ABCC9: variants seen among roughly 807,000 people sequenced by gnomAD.
The protein encoded by ABCC9 is ATP-binding cassette sub-family C member 9.
Under a neutral mutation model 188.3 loss-of-function variants are expected in ABCC9, and 95 were observed. The ratio of observed to expected loss-of-function variants is 0.50; its 90% confidence interval spans 0.43 to 0.60. The LOEUF (loss-of-function observed/expected upper bound fraction) is 0.60, where lower values mean the gene tolerates loss of function less well. Ranked by LOEUF, ABCC9 falls within the 20% of genes least tolerant of loss-of-function variation. The probability of loss-of-function intolerance (pLI) is 0.00; values close to 1 mark genes in which losing one functional copy is unlikely to be tolerated. For synonymous variants in ABCC9, 659 were observed against 652.7 expected, an observed-to-expected ratio of 1.01 and a Z score of -0.15; for missense variants, 1,102 against 1,876.3, an observed-to-expected ratio of 0.59 and a Z score of 7.62.
chr12:21,817,433 G>T, intron 32 of ABCC9, 126 bp from the exon 33 acceptor site: 1 of 863,212 alleles, frequency 1.2e-6, no homozygotes, highest in Non-Finnish European at 1.8e-6. Context: ...ACTCATAAGT[G>T]CTACAGAATA....
chr12:21,825,984 AT>A (rs1185957926), intron 31 of ABCC9, among the ~76,000 whole-genome samples: 1 of 152,132 alleles, frequency 6.6e-6, no homozygotes, highest in African/African-American at 2.4e-5. Flanking sequence ...AAGCAATGAT[AT>A]CATGTTTTCT....
intron 2 of ABCC9, among the ~76,000 whole-genome samples, chr12:21,938,681 C>A (rs1378987929): frequency 6.6e-6 from 1 of 152,146 alleles, no homozygotes; most frequent in Non-Finnish European, 1.5e-5. Flanking sequence ...TTATAATATT[C>A]CAGTTGGCCA....
chr12:21,912,789 C>T (rs1295612123), intron 8 of ABCC9, 83 bp downstream of exon 8: 23 of 1,409,526 alleles, frequency 1.6e-5, no homozygotes, highest in Non-Finnish European at 2.3e-5. Context: ...TTGAACAACT[C>T]ATAAAACTGC....
At chr12:21,823,834 C>T (rs1399317773) in intron 31 of ABCC9, among the ~76,000 whole-genome samples, 1 of 152,252 alleles carries the variant, frequency 6.6e-6, no homozygotes, top group East Asian at 1.9e-4. Context: ...CTTCACTTGG[C>T]ACCCAGAGGA....
intron 39 of ABCC9, 58 bp from the exon 40 acceptor site, chr12:21,801,239 A>G: frequency 6.2e-7 from 1 of 1,602,352 alleles, no homozygotes; most frequent in Non-Finnish European, 8.5e-7. Context: ...CGCCAAAACA[A>G]TGGAATATGT....
At chr12:21,821,410 T>G (rs933854399) in intron 31 of ABCC9, among the ~76,000 whole-genome samples, 1 of 151,918 alleles carries the variant, frequency 6.6e-6, no homozygotes, top group African/African-American at 2.4e-5. Context: ...CAGTTCCAAA[T>G]TATTATATAT....
chr12:21,813,252 A>T (rs1942382674), intron 35 of ABCC9, among the ~76,000 whole-genome samples: 1 of 152,118 alleles, frequency 6.6e-6, no homozygotes, highest in Non-Finnish European at 1.5e-5. Flanking sequence ...ATATGGACTT[A>T]TAGAGGTTTG....
In ABCC9 at chr12:21,854,748, T is replaced by C. The variant is rs143550489; in HGVS notation, c.2506-2243A>G. Among the ~76,000 whole-genome samples, 506 of 152,300 alleles carry C rather than the reference T, an allele frequency of 3.3e-3. 3 individuals are homozygous for C. Among genetic ancestry groups the C allele is most frequent in the African/African-American group, 0.012 (482 of 41,568 alleles). On this transcript the variant is annotated intron_variant, in intron 22 of 39. Transcript: ENST00000261200. ...TATTCTTACTTGAATTTTAAAATTA[T>C]TAGATTTTGATAACTGGTAGAGAAT...
At chr12:21,915,215 T>TTATA (rs557990317) in intron 7 of ABCC9, among the ~76,000 whole-genome samples, 139 of 134,714 alleles carry the variant, frequency 1.0e-3, no homozygotes, top group Admixed American at 3.6e-3. Context: ...CTTTGTGTCT[T>TTATA]TATATATATA....
chr12:21,852,516 T>G lies in ABCC9; in HGVS notation c.2506-11A>C, dbSNP rs1320579438. On this transcript the variant is annotated splice_polypyrimidine_tract_variant and intron_variant, in intron 22 of 39. Coordinates refer to ENST00000261200, the MANE Select transcript of ABCC9 (RefSeq NM_020297.4). ...TGAGAATGGATCATCCTGCAATCAGTAAAATGGAGGAAAGATGGACGTTTT... is the reference window on the plus strand; with the variant it reads ...TGAGAATGGATCATCCTGCAATCAGGAAAATGGAGGAAAGATGGACGTTTT... The G allele has an allele frequency of 1.2e-6, 2 of 1,608,310 alleles. No homozygotes were observed. Among genetic ancestry groups the G allele is most frequent in the Non-Finnish European group, 1.7e-6 (2 of 1,179,832 alleles).
At chr12:21,922,241 T>G (rs1373547427) in intron 5 of ABCC9, among the ~76,000 whole-genome samples, 2 of 152,052 alleles carry the variant, frequency 1.3e-5, no homozygotes, top group Non-Finnish European at 2.9e-5. Context: ...TTCAATTTCA[T>G]GCACCAGTGT....
chr12:21,933,421 A>G (rs1949363967), intron 4 of ABCC9, among the ~76,000 whole-genome samples: 1 of 152,054 alleles, frequency 6.6e-6, no homozygotes, highest in Non-Finnish European at 1.5e-5. Context: ...TGATTTTAAA[A>G]GTTTTGTGGT....
intron 7 of ABCC9, among the ~76,000 whole-genome samples, 179 bp from the exon 8 acceptor site, chr12:21,913,245 A>G (rs1190096186): frequency 6.6e-6 from 1 of 152,114 alleles, no homozygotes; most frequent in Non-Finnish European, 1.5e-5. Flanking sequence ...CTTGCCTTCT[A>G]CGAAAATAGT....
At chr12:21,904,107 C>G (rs1178405523) in intron 12 of ABCC9, among the ~76,000 whole-genome samples, 1 of 151,986 alleles carries the variant, frequency 6.6e-6, no homozygotes, top group Non-Finnish European at 1.5e-5. Context: ...CAGAACAGAG[C>G]CCTCAGAAAT....
At chr12:21,905,613 A>G (rs1049451795) in intron 12 of ABCC9, among the ~76,000 whole-genome samples, 10 of 152,128 alleles carry the variant, frequency 6.6e-5, no homozygotes, top group African/African-American at 2.4e-4. Flanking sequence ...GTTTTCTCGG[A>G]GTAAAAGCTG....
At chr12:21,808,137 T>C (rs955660630) in intron 37 of ABCC9, among the ~76,000 whole-genome samples, 3 of 152,142 alleles carry the variant, frequency 2.0e-5, no homozygotes, top group African/African-American at 4.8e-5. Flanking sequence ...TTTATTAGAA[T>C]TCAAACACCT....
chr12:21,828,866 C>T, intron 31 of ABCC9, 92 bp downstream of exon 31: 1 of 1,011,838 alleles, frequency 9.9e-7, no homozygotes, highest in Non-Finnish European at 1.6e-6. Context: ...TGCCGAATCT[C>T]AGTGGAATAC....
At chr12:21,846,605 A>G (rs987196440) in intron 25 of ABCC9, among the ~76,000 whole-genome samples, 11 of 152,156 alleles carry the variant, frequency 7.2e-5, no homozygotes, top group African/African-American at 2.2e-4. Flanking sequence ...AGGGATCCAA[A>G]TATGTTTATG....
At chr12:21,889,000 TG>T (rs1947013555) in intron 14 of ABCC9, among the ~76,000 whole-genome samples, 1 of 152,154 alleles carries the variant, frequency 6.6e-6, no homozygotes, top group South Asian at 2.1e-4. Flanking sequence ...ATGAAATAAA[TG>T]GTTTCTTTTT....
Sources: gnomAD v4.1 joint callset for allele counts (sites outside exome capture counted in the v4.1 genomes callset) on GRCh38, gnomAD v4.1.1 for gene constraint, MANE v1.5 for transcripts, NCBI Gene and HGNC (gene_info 2026-07-23, HGNC 2026-07-21) for gene names.